The following B4GALT2 variants were observed in gnomAD, a reference collection of about 807,000 sequenced individuals.
B4GALT2 encodes the protein N-acetyllactosamine synthase.
B4GALT2 carries 18 observed loss-of-function variants against 33.2 expected under a neutral mutation model. That is an observed-to-expected ratio of 0.54 (90% confidence interval 0.38 to 0.80). The LOEUF is 0.80. Among genes scored for constraint, B4GALT2 ranks in the 30% least tolerant of loss-of-function variants. The pLI, the probability that B4GALT2 is intolerant of heterozygous loss-of-function variation, is 0.00. For synonymous variants in B4GALT2, 214 were observed against 217.6 expected, an observed-to-expected ratio of 0.98 and a Z score of 0.15; for missense variants, 404 against 526.2, an observed-to-expected ratio of 0.77 and a Z score of 2.27.
rs1397984351 is a variant in B4GALT2 at position 43,979,839 on chromosome 1, C to A, written c.-53+328C>A. On this transcript the variant is annotated intron_variant, in intron 1 of 6. Coordinates refer to ENST00000372324, the MANE Select transcript of B4GALT2 (RefSeq NM_003780.5). The surrounding 1 kb of genome is among the most constrained non-coding windows in gnomAD (Gnocchi z 4.8). ...TCCCCCTGCCCCCAGGCTCCACACC[C>A]ACCCGGTCTGTGCGGCCTGCCCGTC... 29 of 666,050 alleles carry A rather than the reference C, an allele frequency of 4.4e-5. No individual in the cohort carries two copies. The highest frequency in any genetic ancestry group is 6.6e-5 in the Non-Finnish European group (26 of 391,806). 41.3% of individuals were successfully genotyped at this position (666,050 alleles called of 1,614,324 possible).
At chr1:43,989,215 A>G (rs1427792398) in intron 6 of B4GALT2, among the ~76,000 whole-genome samples, 1 of 151,042 alleles carries the variant, frequency 6.6e-6, no homozygotes, top group African/African-American at 2.4e-5. Context: ...GCGCAGTGGC[A>G]GGCATCTGTA....
At chr1:43,985,714 G>C (rs2085651651) in intron 6 of B4GALT2, 93 bp downstream of exon 6, 5 of 1,181,360 alleles carry the variant, frequency 4.2e-6, no homozygotes, top group Non-Finnish European at 6.3e-6. Flanking sequence ...TGATCCCCCA[G>C]TGGGGGACCT....
rs2085588126 is a variant in B4GALT2 at position 43,981,070 on chromosome 1, C to T, written c.-52-39C>T. 1 of 1,510,212 alleles carries T rather than the reference C, an allele frequency of 6.6e-7. No homozygotes were observed. The highest frequency in any genetic ancestry group is 8.8e-7 in the Non-Finnish European group (1 of 1,131,360). 93.6% of individuals were successfully genotyped at this position (1,510,212 alleles called of 1,614,324 possible). On this transcript the variant is annotated intron_variant, in intron 1 of 6. Transcript: ENST00000372324. The surrounding 1 kb of genome is among the most constrained non-coding windows in gnomAD (Gnocchi z 8.1). ...AGGTGGGCAGCCTTGCCTGTCCTGC[C>T]CTGACCTGCTGGATCTGTTTCCCTC...
chr1:43,988,867 AGT>A (rs2085690411), intron 6 of B4GALT2, among the ~76,000 whole-genome samples: 2 of 150,326 alleles, frequency 1.3e-5, no homozygotes. Flanking sequence ...AAAAAAAAAA[AGT>A]CTGAGCTGAG....
intron 3 of B4GALT2, among the ~76,000 whole-genome samples, chr1:43,983,177 T>A (rs568034160): frequency 1.6e-4 from 24 of 152,118 alleles, no homozygotes; most frequent in African/African-American, 5.8e-4. Context: ...GTTAGACAAA[T>A]GAGTCTGGAC....
Position 43,981,906 on chromosome 1 carries a change from C to T in B4GALT2, c.531C>T (p.Gly177=), listed in dbSNP as rs747780238. Residue 177 remains glycine, a synonymous_variant, in exon 3 of 7, where the codon GGC becomes GGT. Coordinates refer to ENST00000372324, the MANE Select transcript of B4GALT2 (RefSeq NM_003780.5). This position sits in a 1 kb window ranked among gnomAD's most constrained non-coding sequence, Gnocchi z 8.1. The stretch of plus-strand genomic sequence containing the variant: ...TGAGGCGGCAGCGGCTGCGCTACGG[C>T]GTCTATGTCATCAACCAGGTGCCCA... ...PILRRQRLRY[G]VYVINQHGED... is the part of the protein sequence containing the mutation. 7.4e-6 allele frequency: 12 copies of T among 1,613,626 alleles called. No homozygotes were observed. The highest frequency in any genetic ancestry group is 4.5e-5 in the East Asian group (2 of 44,900).
At position 43,981,484 on chromosome 1, in the gene B4GALT2, A is replaced by G. The variant is rs991399486; in HGVS notation, c.313+11A>G. ...CGCCACCTGGTCTTGGTGAGCCTGG[A>G]GGGTAGGGCCTGCCTGTGGGGAAAC... is the stretch of plus-strand genomic sequence containing the variant. On this transcript the variant is annotated intron_variant, in intron 2 of 6. Coordinates refer to ENST00000372324, the MANE Select transcript of B4GALT2 (RefSeq NM_003780.5). This position sits in a 1 kb window ranked among gnomAD's most constrained non-coding sequence, Gnocchi z 8.1. 1 of 1,563,866 alleles carries G rather than the reference A, an allele frequency of 6.4e-7. No homozygotes were observed. Among genetic ancestry groups the G allele is most frequent in the Non-Finnish European group, 8.6e-7 (1 of 1,158,886 alleles).
In B4GALT2 at chr1:43,984,581, C is replaced by G. The variant is rs1003262498; in HGVS notation, c.550-284C>G. Among the ~76,000 whole-genome samples the G allele has an allele frequency of 1.3e-5, 2 of 152,200 alleles. No homozygotes were observed. Among genetic ancestry groups the G allele is most frequent in the Non-Finnish European group, 2.9e-5 (2 of 68,036 alleles). On this transcript the variant is annotated intron_variant, in intron 3 of 6. Transcript: ENST00000372324. The surrounding 1 kb of genome is among the most constrained non-coding windows in gnomAD (Gnocchi z 5.6). ...AGCACAGGTACTGCTAACCCCAAGGCCTGGAGGCAAGGAAGAGTCTGGCAT... is the reference window on the plus strand; with the variant it reads ...AGCACAGGTACTGCTAACCCCAAGGGCTGGAGGCAAGGAAGAGTCTGGCAT...
intron 4 of B4GALT2, 30 bp downstream of exon 4, chr1:43,985,085 C>T (rs375638044): frequency 6.2e-7 from 1 of 1,605,712 alleles, no homozygotes; most frequent in Non-Finnish European, 8.5e-7. Flanking sequence ...CTGGACCCAG[C>T]CCTCCTGCCC....
chr1:43,981,224 C>T lies in B4GALT2; in HGVS notation c.64C>T (p.Leu22=). ...CAAGGCTGTGCTCCTTCTCTGCCTG[C>T]TGCACTTCCTCGTGGCCGTCATCCT... ...VCKAVLLLCL[L]HFLVAVILYF... is the part of the protein sequence containing the mutation. The change falls in exon 2 of 7, where the codon CTG becomes TTG. Residue 22 remains leucine, a synonymous_variant. Transcript: ENST00000372324. The surrounding 1 kb of genome is among the most constrained non-coding windows in gnomAD (Gnocchi z 8.1). 4.4e-6 allele frequency: 7 copies of T among 1,605,042 alleles called. No individual in the cohort carries two copies. The highest frequency in any genetic ancestry group is 4.2e-6 in the Non-Finnish European group (5 of 1,179,868).
rs1451095731 is a variant in B4GALT2, at chr1:43,990,744, G to A, written c.*296G>A. The A allele has an allele frequency of 2.1e-5, 9 of 433,234 alleles. No homozygotes were observed. The highest frequency in any genetic ancestry group is 3.4e-5 in the Non-Finnish European group (8 of 232,990). 26.8% of individuals were successfully genotyped at this position (433,234 alleles called of 1,614,324 possible). On this transcript the variant is annotated 3_prime_UTR_variant, in exon 7 of 7. Transcript: ENST00000372324. ...GTCGGGCCAGCCCCTGCACTGCCTC[G>A]CAGAGTGGCCTGGGCTAGGTCACTC...
At chr1:43,990,235 G>GT in intron 6 of B4GALT2, 63 bp from the exon 7 acceptor site, 1 of 1,595,228 alleles carries the variant, frequency 6.3e-7, no homozygotes, top group South Asian at 1.1e-5. Flanking sequence ...GTTGGGGGGT[G>GT]TAGGATTTTA....
rs2085630388 is a variant in B4GALT2 at position 43,984,093 on chromosome 1, G to C, written c.550-772G>C. 1.3e-5 allele frequency among the ~76,000 whole-genome samples: 2 copies of C among 152,222 alleles called. No homozygotes were observed. The highest frequency in any genetic ancestry group is 1.5e-5 in the Non-Finnish European group (1 of 68,034). On this transcript the variant is annotated intron_variant, in intron 3 of 6. Coordinates refer to ENST00000372324, the MANE Select transcript of B4GALT2 (RefSeq NM_003780.5). The surrounding 1 kb of genome is among the most constrained non-coding windows in gnomAD (Gnocchi z 5.6). ...GTCCTAGTCCAGAGTCTGGTGCTTA[G>C]GCCTACATGGCCAGGACCCCTGCAG...
intron 1 of B4GALT2, chr1:43,980,082 G>A: frequency 6.8e-7 from 1 of 1,468,548 alleles, no homozygotes; most frequent in Non-Finnish European, 9.0e-7. Flanking sequence ...TGTCACCCGG[G>A]TGTGTCTGTG....
Position 43,979,566 on chromosome 1 carries a change from C to G in B4GALT2, c.-53+55C>G, listed in dbSNP as rs2085570360. 1 of 162,428 alleles carries G rather than the reference C, an allele frequency of 6.2e-6. No individual in the cohort carries two copies. The highest frequency in any genetic ancestry group is 2.4e-5 in the African/African-American group (1 of 41,404). 10.1% of individuals were successfully genotyped at this position (162,428 alleles called of 1,614,324 possible). On this transcript the variant is annotated intron_variant, in intron 1 of 6. Transcript: ENST00000372324. This position sits in a 1 kb window ranked among gnomAD's most constrained non-coding sequence, Gnocchi z 4.8. ...CAGGGCCCCGAGATTCCAGACCCAGCCCCGCGAGGGGCACCCCGAGCGCGG... is the reference window on the plus strand; with the variant it reads ...CAGGGCCCCGAGATTCCAGACCCAGGCCCGCGAGGGGCACCCCGAGCGCGG...
chr1:43,985,095 C>G, intron 4 of B4GALT2, 40 bp downstream of exon 4: 2 of 1,603,714 alleles, frequency 1.2e-6, no homozygotes, highest in Middle Eastern at 1.7e-4. Context: ...CCCTCCTGCC[C>G]CCACCAGACG....
intron 6 of B4GALT2, among the ~76,000 whole-genome samples, chr1:43,986,768 G>A (rs1011891659): frequency 5.3e-5 from 8 of 152,174 alleles, no homozygotes; most frequent in Non-Finnish European, 8.8e-5. Flanking sequence ...GGAGAGGCGG[G>A]GTGGGGTTTG....
Position 43,984,030 on chromosome 1 carries a change from C to A in B4GALT2, c.550-835C>A, listed in dbSNP as rs753902615. 3.9e-5 allele frequency among the ~76,000 whole-genome samples: 6 copies of A among 152,214 alleles called. No homozygotes were observed. Among genetic ancestry groups the A allele is most frequent in the Non-Finnish European group, 5.9e-5 (4 of 68,040 alleles). On this transcript the variant is annotated intron_variant, in intron 3 of 6. Transcript: ENST00000372324. The surrounding 1 kb of genome is among the most constrained non-coding windows in gnomAD (Gnocchi z 5.6). ...TGGAGACTGCAGGTTGGGGCAGGGGCTCAGGGGTCAGCGCCTCCCACTGAA... is the reference window on the plus strand; with the variant it reads ...TGGAGACTGCAGGTTGGGGCAGGGGATCAGGGGTCAGCGCCTCCCACTGAA...
chr1:43,981,599 G>A lies in B4GALT2; in HGVS notation c.314-90G>A. The A allele has an allele frequency of 6.5e-7, 1 of 1,533,048 alleles. No individual in the cohort carries two copies. The highest frequency in any genetic ancestry group is 2.0e-5 in the Admixed American group (1 of 49,880). The allele number at this position is 1,533,048 out of a possible 1,614,324, so 95.0% of individuals were successfully genotyped here. A position where few individuals can be genotyped will look rare whatever the true frequency, so the allele number is the denominator to read the frequency against. Reference sequence around the variant, plus strand: ...CTGTTGTAAGAGGGCTATTCTTGGGGTTCCCTAGCCCACCCCCAGGCTGAG... The same window carrying A: ...CTGTTGTAAGAGGGCTATTCTTGGGATTCCCTAGCCCACCCCCAGGCTGAG... On this transcript the variant is annotated intron_variant, in intron 2 of 6. Coordinates refer to ENST00000372324, the MANE Select transcript of B4GALT2 (RefSeq NM_003780.5). The surrounding 1 kb of genome is among the most constrained non-coding windows in gnomAD (Gnocchi z 8.1).
Sources: gnomAD v4.1 joint callset for allele counts (sites outside exome capture counted in the v4.1 genomes callset) on GRCh38, gnomAD v4.1.1 for gene constraint, Gnocchi (gnomAD v3.1) non-coding constraint, MANE v1.5 for transcripts, NCBI Gene and HGNC (gene_info 2026-07-23, HGNC 2026-07-21) for gene names.